Variants in NUPR1 observed in about 807,000 individuals in gnomAD.
NUPR1 encodes nuclear protein 1.
In NUPR1, 8 loss-of-function variants were observed where a neutral mutation model predicts 7.3. The ratio of observed to expected loss-of-function variants is 1.09; its 90% CI spans 0.64 to 1.97. NUPR1 has a LOEUF of 1.97. Among genes scored for constraint, NUPR1 ranks in the 30% most tolerant of loss-of-function variants. The pLI, the probability that NUPR1 is intolerant of heterozygous loss-of-function variation, is 0.00. For missense variants in NUPR1, 96 were observed against 111.7 expected (o/e 0.86, Z 0.63); for synonymous variants, 39 against 44.5 (o/e 0.88, Z 0.49).
In NUPR1 at chr16:28,538,963, T is replaced by A; in HGVS notation, c.-56A>T. The A allele has an allele frequency of 6.8e-7, 1 of 1,469,456 alleles. No homozygotes were observed. Among genetic ancestry groups the A allele is most frequent in the Non-Finnish European group, 9.4e-7 (1 of 1,066,174 alleles). 91.0% of individuals were successfully genotyped at this position (1,469,456 alleles called of 1,614,324 possible). On this transcript the variant is annotated 5_prime_UTR_variant, in exon 1 of 3. Coordinates refer to ENST00000324873, the MANE Select transcript of NUPR1 (RefSeq NM_012385.3). ...CTTCTCCTAACGCTTTGTCTGTCTC[T>A]GCTTTCCTGGCCCCGGGCCTCTCCA...
At chr16:28,538,609 G>A (rs777217915) in intron 1 of NUPR1, 187 bp downstream of exon 1, 1 of 691,704 alleles carries the variant, frequency 1.4e-6, no homozygotes, top group South Asian at 1.5e-5. Context: ...GTTCGAGGCT[G>A]CGGTGAGTTG....
At position 28,535,507 on chromosome 16, in the gene NUPR1, C is replaced by CTTTCT. The variant is rs1424087226; in HGVS notation, c.*2171_*2175dup. 7.4e-5 allele frequency: 4 copies of CTTTCT among 54,286 alleles called. No individual in the cohort carries two copies. The East Asian group carries it at 2.5e-3, about 33-fold the overall frequency. 3.4% of individuals were successfully genotyped at this position (54,286 alleles called of 1,614,324 possible). On this transcript the variant is annotated 3_prime_UTR_variant, in exon 3 of 3. Transcript: ENST00000324873. ...CCACTGTGCCGGGGCTCGCTCTTTT[C>CTTTCT]TTTCTTTCTTTCTTTCTTTCTTTCT...
Position 28,535,568 on chromosome 16 carries a change from C to CTTCT in NUPR1, c.*2114_*2115insAGAA, listed in dbSNP as rs1596586532. On this transcript the variant is annotated 3_prime_UTR_variant, in exon 3 of 3. Coordinates refer to ENST00000324873, the MANE Select transcript of NUPR1 (RefSeq NM_012385.3). ...CCTTCTTTCTTTCTTTCTTTCCTTC[C>CTTCT]TTCCTTTCTTTCTTTCTTTCTTTCT... 2.9e-5 allele frequency: 1 copy of CTTCT among 34,970 alleles called. No homozygotes were observed. Among genetic ancestry groups the CTTCT allele is most frequent in the African/African-American group, 7.7e-5 (1 of 12,960 alleles). 2.2% of individuals were successfully genotyped at this position (34,970 alleles called of 1,614,324 possible).
rs1245626656 is a variant in NUPR1 at position 28,536,850 on chromosome 16, G to GA, written c.*832dup. On this transcript the variant is annotated 3_prime_UTR_variant, in exon 3 of 3. Transcript: ENST00000324873. ...GCTAATTTTTGGTATTTTTAGTGGAGATGGGGTTTCACCATGTTGGTCAGG... is the reference window on the plus strand; with the variant it reads ...GCTAATTTTTGGTATTTTTAGTGGAGAATGGGGTTTCACCATGTTGGTCAGG... 1 of 152,088 alleles carries GA rather than the reference G, an allele frequency of 6.6e-6. No individual in the cohort carries two copies. Among genetic ancestry groups the GA allele is most frequent in the Non-Finnish European group, 1.5e-5 (1 of 68,072 alleles). The allele number at this position is 152,088 out of a possible 1,614,324, so 9.4% of individuals were successfully genotyped here.
chr16:28,538,246 A>T, intron 1 of NUPR1, 91 bp from the exon 2 acceptor site: 1 of 1,586,812 alleles, frequency 6.3e-7, no homozygotes, highest in South Asian at 1.1e-5. Context: ...GGTTGTGGGG[A>T]TGGGAAGAGC....
chr16:28,538,686 A>AG lies in NUPR1; in HGVS notation c.112+109dup, dbSNP rs745577435. The AG allele has an allele frequency of 6.5e-6, 6 of 917,690 alleles. No individual in the cohort carries two copies. In the Admixed American group the frequency reaches 9.7e-5, roughly 15 times the overall value. 56.8% of individuals were successfully genotyped at this position (917,690 alleles called of 1,614,324 possible). On this transcript the variant is annotated intron_variant, in intron 1 of 2. Coordinates refer to ENST00000324873, the MANE Select transcript of NUPR1 (RefSeq NM_012385.3). ...GACAGAGTGACTCTCTCAAAAAAAA[A>AG]GAAAGAAAGAAACGAAGAGGAAAGG...
In NUPR1 at chr16:28,535,571, C is replaced by CCTTCTTTCTTTCTTTCCTTCCTTCCTTT. The variant is rs71140975; in HGVS notation, c.*2111_*2112insAAAGGAAGGAAGGAAAGAAAGAAAGAAG. 1 of 71,886 alleles carries CCTTCTTTCTTTCTTTCCTTCCTTCCTTT rather than the reference C, an allele frequency of 1.4e-5. No homozygotes were observed. Among genetic ancestry groups the CCTTCTTTCTTTCTTTCCTTCCTTCCTTT allele is most frequent in the Non-Finnish European group, 2.6e-5 (1 of 38,512 alleles). 4.5% of individuals were successfully genotyped at this position (71,886 alleles called of 1,614,324 possible). On this transcript the variant is annotated 3_prime_UTR_variant, in exon 3 of 3. Coordinates refer to ENST00000324873, the MANE Select transcript of NUPR1 (RefSeq NM_012385.3). ...TCTTTCTTTCTTTCTTTCCTTCCTT[C>CCTTCTTTCTTTCTTTCCTTCCTTCCTTT]CTTTCTTTCTTTCTTTCTTTCTTTC... is the stretch of plus-strand genomic sequence containing the variant.
chr16:28,538,853 C>G lies in NUPR1; in HGVS notation c.55G>C (p.Asp19His). Residue 19 changes from aspartate to histidine, a missense_variant, in exon 1 of 3, where the codon GAC (aspartate) becomes CAC (histidine). Coordinates refer to ENST00000324873, the MANE Select transcript of NUPR1 (RefSeq NM_012385.3). ...GATTCATCCAGGCTGGAGTCCTCGTCCTCCGGGCCTGGGGGCTGCTGGGGG... is the reference window on the plus strand; with the variant it reads ...GATTCATCCAGGCTGGAGTCCTCGTGCTCCGGGCCTGGGGGCTGCTGGGGG... ...SAPQQPPGPE[D>H]EDSSLDESDL... The G allele has an allele frequency of 1.2e-6, 2 of 1,613,274 alleles. No individual in the cohort carries two copies. The highest frequency in any genetic ancestry group is 1.7e-6 in the Non-Finnish European group (2 of 1,179,794).
Position 28,538,054 on chromosome 16 carries a change from T to C in NUPR1, c.214A>G (p.Asn72Asp). The change falls in exon 2 of 3, where the codon AAT becomes GAT. Residue 72 changes from asparagine to aspartate, a missense_variant. Transcript: ENST00000324873. ...GCCCCTCGCTTCTTCCTCTCTGAAT[T>C]CTGCAGCTTGGTCACCAGTTTCCTC... Reference protein sequence around the residue: ...HERKLVTKLQNSERKKRGARR With the variant: ...HERKLVTKLQDSERKKRGARR The C allele has an allele frequency of 6.2e-7, 1 of 1,614,146 alleles. No individual in the cohort carries two copies. The highest frequency in any genetic ancestry group is 1.7e-5 in the Admixed American group (1 of 60,008).
rs1236204637 is a variant in NUPR1 at position 28,536,269 on chromosome 16, CT to C, written c.*1413del. The stretch of plus-strand genomic sequence containing the variant: ...TCAGGAGGCTGAAGCAGGAGAATAG[CT>C]TGAACCCAGGAGGCGGAGGTTGCAG... On this transcript the variant is annotated 3_prime_UTR_variant, in exon 3 of 3. Transcript: ENST00000324873. 6.6e-6 allele frequency: 1 copy of C among 152,314 alleles called. No individual in the cohort carries two copies. The highest frequency in any genetic ancestry group is 1.9e-4 in the East Asian group (1 of 5,160). 9.4% of individuals were successfully genotyped at this position (152,314 alleles called of 1,614,324 possible).
In NUPR1 at chr16:28,538,020, C is replaced by T. The variant is rs575902962; in HGVS notation, c.248G>A (p.Ter83=). Residue 83 remains the stop codon, a stop_retained_variant, in exon 2 of 3, where the codon TGA becomes TAA. Coordinates refer to ENST00000324873, the MANE Select transcript of NUPR1 (RefSeq NM_012385.3). Reference sequence around the variant, plus strand: ...CGACTCCTTACCTCCAGCTCTGTCTCAGCGCCGTGCCCCTCGCTTCTTCCT... The same window carrying T: ...CGACTCCTTACCTCCAGCTCTGTCTTAGCGCCGTGCCCCTCGCTTCTTCCT... ...SERKKRGARR[*] 4.3e-6 allele frequency: 7 copies of T among 1,612,552 alleles called. No homozygotes were observed. In the South Asian group the frequency reaches 6.6e-5, roughly 15 times the overall value.
At position 28,535,758 on chromosome 16, in the gene NUPR1, C is replaced by G. The variant is rs1191489423; in HGVS notation, c.*1925G>C. ...CAATACATGGTTTCACTCTATTGCT[C>G]AGGCTGCAGTGCAGTGGCACCATCA... On this transcript the variant is annotated 3_prime_UTR_variant, in exon 3 of 3. Transcript: ENST00000324873. The G allele has an allele frequency of 6.7e-6, 1 of 150,288 alleles. No homozygotes were observed. The highest frequency in any genetic ancestry group is 1.5e-5 in the Non-Finnish European group (1 of 67,828). The allele number at this position is 150,288 out of a possible 1,614,324, so 9.3% of individuals were successfully genotyped here.
rs1368186255 is a variant in NUPR1, at chr16:28,534,325, C to G, written c.*3358G>C. 2 of 152,154 alleles carry G rather than the reference C, an allele frequency of 1.3e-5. No individual in the cohort carries two copies. Among genetic ancestry groups the G allele is most frequent in the Admixed American group, 1.3e-4 (2 of 15,242 alleles). 9.4% of individuals were successfully genotyped at this position (152,154 alleles called of 1,614,324 possible). On this transcript the variant is annotated 3_prime_UTR_variant, in exon 3 of 3. Coordinates refer to ENST00000324873, the MANE Select transcript of NUPR1 (RefSeq NM_012385.3). Reference sequence around the variant, plus strand: ...TGGACTCAAGGGAAGGGGATGGATACAGGTCCCCAAGGGTTCAAGCTGGTC... The same window carrying G: ...TGGACTCAAGGGAAGGGGATGGATAGAGGTCCCCAAGGGTTCAAGCTGGTC...
In NUPR1 at chr16:28,536,697, C is replaced by CT. The variant is rs1370837154; in HGVS notation, c.*985dup. ...GTTTGTTTTGAGACAGAGTCTCCCT[C>CT]TGTCACCCAGGCTGGAGTGCAATGG... On this transcript the variant is annotated 3_prime_UTR_variant, in exon 3 of 3. Coordinates refer to ENST00000324873, the MANE Select transcript of NUPR1 (RefSeq NM_012385.3). 6 of 153,712 alleles carry CT rather than the reference C, an allele frequency of 3.9e-5. No homozygotes were observed. The East Asian group carries it at 1.1e-3, about 29-fold the overall frequency. The allele number at this position is 153,712 out of a possible 1,614,324, so 9.5% of individuals were successfully genotyped here. A position where few individuals can be genotyped will look rare whatever the true frequency, so the allele number is the denominator to read the frequency against.
At chr16:28,538,650 C>A (rs1272655324) in intron 1 of NUPR1, 146 bp downstream of exon 1, 1 of 750,528 alleles carries the variant, frequency 1.3e-6, no homozygotes, top group East Asian at 2.7e-5. Flanking sequence ...CTACTGCACT[C>A]CAGCCTGGGT....
Position 28,535,571 on chromosome 16 carries a change from C to CCTTCCTTCCTTCCTTTCTTTCTTT in NUPR1, c.*2111_*2112insAAAGAAAGAAAGGAAGGAAGGAAG, listed in dbSNP as rs71140975. 21 of 71,940 alleles carry CCTTCCTTCCTTCCTTTCTTTCTTT rather than the reference C, an allele frequency of 2.9e-4. No homozygotes were observed. In the East Asian group the frequency reaches 4.9e-3, roughly 17 times the overall value. The allele number at this position is 71,940 out of a possible 1,614,324, so 4.5% of individuals were successfully genotyped here. On this transcript the variant is annotated 3_prime_UTR_variant, in exon 3 of 3. Coordinates refer to ENST00000324873, the MANE Select transcript of NUPR1 (RefSeq NM_012385.3). Reference sequence around the variant, plus strand: ...TCTTTCTTTCTTTCTTTCCTTCCTTCCTTTCTTTCTTTCTTTCTTTCTTTC... The same window carrying CCTTCCTTCCTTCCTTTCTTTCTTT: ...TCTTTCTTTCTTTCTTTCCTTCCTTCCTTCCTTCCTTCCTTTCTTTCTTTCTTTCTTTCTTTCTTTCTTTCTTTC...
chr16:28,538,195 G>A (rs1331609709), intron 1 of NUPR1, 40 bp from the exon 2 acceptor site: 1 of 1,613,502 alleles, frequency 6.2e-7, no homozygotes, highest in Non-Finnish European at 8.5e-7. Flanking sequence ...GTGGGCATAG[G>A]CATGATGAGA....
intron 1 of NUPR1, 46 bp from the exon 2 acceptor site, chr16:28,538,201 T>A: frequency 6.2e-7 from 1 of 1,612,626 alleles, no homozygotes; most frequent in Non-Finnish European, 8.5e-7. Context: ...ATAGGCATGA[T>A]GAGAGGCCCT....
rs573871851 is a variant in NUPR1, at chr16:28,537,168, C to A, written c.*515G>T. 1 of 152,302 alleles carries A rather than the reference C, an allele frequency of 6.6e-6. No homozygotes were observed. Among genetic ancestry groups the A allele is most frequent in the Admixed American group, 6.5e-5 (1 of 15,282 alleles). The allele number at this position is 152,302 out of a possible 1,614,324, so 9.4% of individuals were successfully genotyped here. On this transcript the variant is annotated 3_prime_UTR_variant, in exon 3 of 3. Transcript: ENST00000324873. ...ATGTATGCACTAAAATATATGCAAG[C>A]AAAAGCAAACAAACCAAAAGCTGCA... is the stretch of plus-strand genomic sequence containing the variant.
Sources: gnomAD v4.1 joint callset for allele counts on GRCh38, gnomAD v4.1.1 for gene constraint, MANE v1.5 for transcripts, NCBI Gene and HGNC (gene_info 2026-07-23, HGNC 2026-07-21) for gene names.